The following C19orf12 variants were observed in gnomAD, a reference collection of about 807,000 sequenced individuals.
The protein encoded by C19orf12 is chromosome 19 open reading frame 12, also known as protein C19orf12.
C19orf12 carries 2 observed loss-of-function variants against 3.8 expected under a neutral mutation model. The observed-to-expected ratio is 0.53, with a 90% CI of 0.22 to 1.66. The LOEUF (loss-of-function observed/expected upper bound fraction) is 1.66. Among genes scored for constraint, C19orf12 ranks in the 40% most tolerant of loss-of-function variants. C19orf12 has a pLI of 0.20. For missense variants in C19orf12, 156 were observed against 188.8 expected, an observed-to-expected ratio of 0.83 and a Z score of 1.02; for synonymous variants, 89 against 84.6, an observed-to-expected ratio of 1.05 and a Z score of -0.28.
rs113729640 is a variant in C19orf12 at position 29,702,070 on chromosome 19, C to T, written c.*642G>A. The stretch of plus-strand genomic sequence containing the variant: ...ACCAGGACTTTTCAGATGGGAAGAG[C>T]GAGGCCCTGGCAGGGCGAGTCTAGG... On this transcript the variant is annotated 3_prime_UTR_variant, in exon 3 of 3. Transcript: ENST00000323670. 1.1e-4 allele frequency: 49 copies of T among 449,522 alleles called. No individual in the cohort carries two copies. The highest frequency in any genetic ancestry group is 1.4e-4 in the Non-Finnish European group (31 of 223,558). The allele number at this position is 449,522 out of a possible 1,614,324, so 27.8% of individuals were successfully genotyped here.
chr19:29,701,694 T>G lies in C19orf12; in HGVS notation c.*1018A>C, dbSNP rs1018159873. 3 of 452,332 alleles carry G rather than the reference T, an allele frequency of 6.6e-6. No individual in the cohort carries two copies. Among genetic ancestry groups the G allele is most frequent in the Non-Finnish European group, 1.3e-5 (3 of 226,140 alleles). The allele number at this position is 452,332 out of a possible 1,614,324, so 28.0% of individuals were successfully genotyped here. ...CTACTATGCTTTGTGAATACTGTGT[T>G]TTTTTTTTAAATTGAAGGTTTGTAG... On this transcript the variant is annotated 3_prime_UTR_variant, in exon 3 of 3. Coordinates refer to ENST00000323670, the MANE Select transcript of C19orf12 (RefSeq NM_031448.6).
chr19:29,700,886 C>A lies in C19orf12; in HGVS notation c.*1826G>T, dbSNP rs192407663. 4.7e-3 allele frequency: 2,139 copies of A among 454,022 alleles called. 6 individuals are homozygous for A. The highest frequency in any genetic ancestry group is 0.012 in the Middle Eastern group (18 of 1,444). The allele number at this position is 454,022 out of a possible 1,614,324, so 28.1% of individuals were successfully genotyped here. ...GCCTCCAGGGCCTGAGAGGAGAGCC[C>A]CAAGTCCCTGCCCTGCCCCAGGACC... is the stretch of plus-strand genomic sequence containing the variant. On this transcript the variant is annotated 3_prime_UTR_variant, in exon 3 of 3. Transcript: ENST00000323670.
At chr19:29,715,432 T>C, upstream of C19orf12, 1 of 407,246 alleles carries the variant, frequency 2.5e-6, no homozygotes, top group South Asian at 1.7e-5. Context: ...GGGCCCTGGC[T>C]TGGGTTGCGG....
At position 29,700,771 on chromosome 19, in the gene C19orf12, T is replaced by C; in HGVS notation, c.*1941A>G. 1 of 454,128 alleles carries C rather than the reference T, an allele frequency of 2.2e-6. No individual in the cohort carries two copies. Among genetic ancestry groups the C allele is most frequent in the South Asian group, 1.6e-5 (1 of 64,480 alleles). 28.1% of individuals were successfully genotyped at this position (454,128 alleles called of 1,614,324 possible). On this transcript the variant is annotated 3_prime_UTR_variant, in exon 3 of 3. Coordinates refer to ENST00000323670, the MANE Select transcript of C19orf12 (RefSeq NM_031448.6). ...GCCCTTCCTTAATCACCATGGGTTA[T>C]AATTCACCCTGACGTCCTTACACAC...
upstream of C19orf12, chr19:29,715,573 G>T: frequency 4.7e-6 from 1 of 212,830 alleles, no homozygotes; most frequent in South Asian, 4.3e-5. Flanking sequence ...CTGCCTCCAG[G>T]ACCGCGGGGA....
Position 29,699,467 on chromosome 19 carries a change from T to G in C19orf12, c.*3245A>C. 1 of 410,238 alleles carries G rather than the reference T, an allele frequency of 2.4e-6. No homozygotes were observed. The highest frequency in any genetic ancestry group is 4.6e-6 in the Non-Finnish European group (1 of 216,022). The allele number at this position is 410,238 out of a possible 1,614,324, so 25.4% of individuals were successfully genotyped here. ...TACTGCACTCCAGCCCGGGCGACAGTGCGAGACTCCATCTCAAAAAAAAAA... is the reference window on the plus strand; with the variant it reads ...TACTGCACTCCAGCCCGGGCGACAGGGCGAGACTCCATCTCAAAAAAAAAA... On this transcript the variant is annotated 3_prime_UTR_variant, in exon 3 of 3. Transcript: ENST00000323670.
chr19:29,705,972 A>G (rs1313391253), intron 2 of C19orf12, among the ~76,000 whole-genome samples: 2 of 152,188 alleles, frequency 1.3e-5, no homozygotes, highest in African/African-American at 4.8e-5. Context: ...CAAAAATGCA[A>G]CCCAGGCCAG....
chr19:29,700,167 C>T lies in C19orf12; in HGVS notation c.*2545G>A, dbSNP rs1280269244. 6.6e-6 allele frequency: 3 copies of T among 453,868 alleles called. No homozygotes were observed. Among genetic ancestry groups the T allele is most frequent in the Non-Finnish European group, 1.3e-5 (3 of 226,798 alleles). 28.1% of individuals were successfully genotyped at this position (453,868 alleles called of 1,614,324 possible). On this transcript the variant is annotated 3_prime_UTR_variant, in exon 3 of 3. Transcript: ENST00000323670. ...ACACTGGGCCTCTGAGCTGGGACCA[C>T]CTGTGTCCCCTGGGCCTGACACAGA...
intron 2 of C19orf12, among the ~76,000 whole-genome samples, chr19:29,706,366 G>A (rs1972379098): frequency 6.6e-6 from 1 of 152,202 alleles, no homozygotes; most frequent in Admixed American, 6.5e-5. Flanking sequence ...TGGCTCTTTG[G>A]AGAGGAGAAA....
rs767536966 is a variant in C19orf12 at position 29,715,256 on chromosome 19, G to A, written c.-142C>T. 2.4e-5 allele frequency: 9 copies of A among 382,868 alleles called. No individual in the cohort carries two copies. The highest frequency in any genetic ancestry group is 1.1e-4 in the South Asian group (5 of 46,680). 23.7% of individuals were successfully genotyped at this position (382,868 alleles called of 1,614,324 possible). A position where few individuals can be genotyped will look rare whatever the true frequency, so the allele number is the denominator to read the frequency against. Reference sequence around the variant, plus strand: ...TCGCGCAGGCCTTGGTGGCGGCCCCGGCGCTGGCCCCGCCCTCCGTCCCAC... The same window carrying A: ...TCGCGCAGGCCTTGGTGGCGGCCCCAGCGCTGGCCCCGCCCTCCGTCCCAC... On this transcript the variant is annotated 5_prime_UTR_variant, in exon 1 of 3. Coordinates refer to ENST00000323670, the MANE Select transcript of C19orf12 (RefSeq NM_031448.6).
intron 2 of C19orf12, 67 bp downstream of exon 2, chr19:29,708,187 C>G: frequency 6.3e-7 from 1 of 1,594,292 alleles, no homozygotes; most frequent in African/African-American, 1.3e-5. Flanking sequence ...GGCCTTCTCC[C>G]TGTGTTTCAA....
chr19:29,715,121 T>G lies in C19orf12; in HGVS notation c.-11+4A>C. ...CCCCGCCCCGGCTCCGGGCGCTCCT[T>G]TACCTGGGGGAGCGGAGGTCTACGC... On this transcript the variant is annotated splice_donor_region_variant and intron_variant, in intron 1 of 2. Transcript: ENST00000323670. The G allele has an allele frequency of 1.7e-6, 1 of 596,170 alleles. No homozygotes were observed. Among genetic ancestry groups the G allele is most frequent in the Non-Finnish European group, 3.0e-6 (1 of 337,024 alleles). The allele number at this position is 596,170 out of a possible 1,614,324, so 36.9% of individuals were successfully genotyped here.
intron 1 of C19orf12, 26 bp from the exon 2 acceptor site, chr19:29,708,449 A>T (rs1336995766): frequency 6.2e-7 from 1 of 1,610,718 alleles, no homozygotes; most frequent in Non-Finnish European, 8.5e-7. Flanking sequence ...TCAGAGGGAC[A>T]GTTTCAATGA....
chr19:29,703,028 C>A (rs1397210348), intron 2 of C19orf12, 51 bp from the exon 3 acceptor site: 6 of 1,612,326 alleles, frequency 3.7e-6, no homozygotes, highest in East Asian at 2.2e-5. Flanking sequence ...TAAGCGATGG[C>A]CTTACTTAAG....
intron 2 of C19orf12, among the ~76,000 whole-genome samples, chr19:29,704,298 T>C (rs1456765117): frequency 6.6e-6 from 1 of 151,974 alleles, no homozygotes; most frequent in African/African-American, 2.4e-5. Flanking sequence ...TGAAACCCTG[T>C]CTCTACTAAA....
At chr19:29,714,157 G>T (rs1242557973) in intron 1 of C19orf12, among the ~76,000 whole-genome samples, 1 of 152,088 alleles carries the variant, frequency 6.6e-6, no homozygotes, top group Non-Finnish European at 1.5e-5. Context: ...CGAGTAGCTG[G>T]AACTACAGGT....
At position 29,703,043 on chromosome 19, in the gene C19orf12, C is replaced by G. The variant is rs1364772636; in HGVS notation, c.161-66G>C. 2.8e-5 allele frequency: 44 copies of G among 1,597,168 alleles called. 1 individual carries two copies. The highest frequency in any genetic ancestry group is 3.6e-5 in the Non-Finnish European group (42 of 1,165,018). ...TAAGCGATGGCCTTACTTAAGTTCC[C>G]ACTGAGTGCACACCACCATCACCAT... On this transcript the variant is annotated intron_variant, in intron 2 of 2. Coordinates refer to ENST00000323670, the MANE Select transcript of C19orf12 (RefSeq NM_031448.6).
intron 1 of C19orf12, among the ~76,000 whole-genome samples, chr19:29,710,067 G>A (rs952814008): frequency 2.0e-5 from 3 of 151,476 alleles, no homozygotes; most frequent in African/African-American, 2.4e-5. Flanking sequence ...ACAGGGTCTC[G>A]CAATGTTGCC....
At chr19:29,715,316 C>T (rs1340757672), upstream of C19orf12, 1 of 392,330 alleles carries the variant, frequency 2.5e-6, no homozygotes, top group Admixed American at 3.0e-5. Flanking sequence ...GGAAGCCACG[C>T]GCCGGGCCAG....
Sources: allele counts gnomAD v4.1 joint callset (sites outside exome capture counted in the v4.1 genomes callset), GRCh38; gene constraint gnomAD v4.1.1; transcripts MANE v1.5; gene names NCBI Gene and HGNC (gene_info 2026-07-23, HGNC 2026-07-21).